The following HIBADH variants were observed in gnomAD, a reference collection of about 807,000 sequenced individuals.
HIBADH encodes the protein 3-hydroxyisobutyrate dehydrogenase, mitochondrial.
In HIBADH, 25 loss-of-function variants were observed where a neutral mutation model predicts 36.1. The observed-to-expected ratio is 0.69, with a 90% confidence interval of 0.50 to 0.97. The LOEUF (loss-of-function observed/expected upper bound fraction) is 0.97. Among genes scored for constraint, HIBADH ranks in the 50% least tolerant of loss-of-function variants. HIBADH has a pLI of 0.00. For synonymous variants in HIBADH, 160 were observed against 149.5 expected, an observed-to-expected ratio of 1.07 and a Z score of -0.51; for missense variants, 421 against 418.0, an observed-to-expected ratio of 1.01 and a Z score of -0.06.
Position 27,645,372 on chromosome 7 carries a change from T to G in HIBADH, c.252+4101A>C, listed in dbSNP as rs1050019060. Among the ~76,000 whole-genome samples the G allele has an allele frequency of 4.0e-3, 472 of 118,908 alleles. 74 individuals carry two copies. The highest frequency in any genetic ancestry group is 6.4e-3 in the Non-Finnish European group (370 of 58,186). The allele number at this position is 118,908 out of a possible 152,430, so 78.0% of individuals were successfully genotyped here. A position where few individuals can be genotyped will look rare whatever the true frequency, so the allele number is the denominator to read the frequency against. The stretch of plus-strand genomic sequence containing the variant: ...TGGGTGTGTCTCATGGTTTTGATTT[T>G]TTTTTTTTTTTTTTTTTTTTTTTGA... On this transcript the variant is annotated intron_variant, in intron 2 of 7. Transcript: ENST00000265395.
At chr7:27,631,446 C>T (rs191670341) in intron 3 of HIBADH, among the ~76,000 whole-genome samples, 4 of 152,306 alleles carry the variant, frequency 2.6e-5, no homozygotes, top group African/African-American at 9.6e-5. Context: ...CCTGAAATTA[C>T]ACCCTTTCTT....
chr7:27,626,133 C>T (rs1435541666), intron 4 of HIBADH, among the ~76,000 whole-genome samples: 5 of 110,238 alleles, frequency 4.5e-5, no homozygotes, highest in African/African-American at 1.7e-4. Context: ...AAAAGATGTA[C>T]AGTTTGACAG....
At chr7:27,548,393 G>A (rs1439491421) in intron 4 of HIBADH, among the ~76,000 whole-genome samples, 1 of 151,950 alleles carries the variant, frequency 6.6e-6, no homozygotes, top group Non-Finnish European at 1.5e-5. Flanking sequence ...ATGGTTGGGG[G>A]GAGGGAGAAG....
intron 4 of HIBADH, among the ~76,000 whole-genome samples, chr7:27,547,049 C>T (rs764106595): frequency 1.5e-4 from 23 of 152,162 alleles, no homozygotes; most frequent in Non-Finnish European, 3.4e-4. Context: ...CTTCCTAGCC[C>T]TCTCAGTATA....
At chr7:27,560,403 G>A (rs1784447739) in intron 4 of HIBADH, among the ~76,000 whole-genome samples, 1 of 152,192 alleles carries the variant, frequency 6.6e-6, no homozygotes, top group Non-Finnish European at 1.5e-5. Flanking sequence ...ACGGGTGTGA[G>A]CCACTGCACT....
At chr7:27,602,140 T>C (rs375805877) in intron 4 of HIBADH, among the ~76,000 whole-genome samples, 9 of 151,796 alleles carry the variant, frequency 5.9e-5, no homozygotes, top group Non-Finnish European at 7.4e-5. Flanking sequence ...TATTGTCCTA[T>C]TGTGCCTTCC....
At chr7:27,534,287 T>G (rs1181780707) in intron 6 of HIBADH, among the ~76,000 whole-genome samples, 1 of 151,814 alleles carries the variant, frequency 6.6e-6, no homozygotes, top group African/African-American at 2.4e-5. Context: ...ACGAAATAAA[T>G]TATGTCACTA....
rs569924053 is a variant in HIBADH at position 27,662,852 on chromosome 7, G to A, written c.-64C>T. ...CTCCCGGAGGGCCCACAGACTGCGAGCGTGTGCAGCGGGACTGGCTGGCTC... is the reference window on the plus strand; with the variant it reads ...CTCCCGGAGGGCCCACAGACTGCGAACGTGTGCAGCGGGACTGGCTGGCTC... On this transcript the variant is annotated 5_prime_UTR_variant, in exon 1 of 8. Coordinates refer to ENST00000265395, the MANE Select transcript of HIBADH (RefSeq NM_152740.4). 2.4e-6 allele frequency: 3 copies of A among 1,276,192 alleles called. No homozygotes were observed. Among genetic ancestry groups the A allele is most frequent in the East Asian group, 3.1e-5 (1 of 31,958 alleles). The allele number at this position is 1,276,192 out of a possible 1,614,324, so 79.1% of individuals were successfully genotyped here. A position where few individuals can be genotyped will look rare whatever the true frequency, so the allele number is the denominator to read the frequency against.
chr7:27,605,614 A>G (rs1327793882), intron 4 of HIBADH, among the ~76,000 whole-genome samples: 1 of 140,606 alleles, frequency 7.1e-6, no homozygotes, highest in Non-Finnish European at 1.6e-5. Flanking sequence ...AAAAAAAAAA[A>G]GCCAAATGTT....
chr7:27,648,229 C>G (rs1216559979), intron 2 of HIBADH, among the ~76,000 whole-genome samples: 1 of 152,196 alleles, frequency 6.6e-6, no homozygotes, highest in African/African-American at 2.4e-5. Context: ...ATCTCTCCAA[C>G]AAGGCTACTA....
intron 5 of HIBADH, among the ~76,000 whole-genome samples, chr7:27,539,341 A>G (rs1459417849): frequency 6.6e-6 from 1 of 152,196 alleles, no homozygotes; most frequent in East Asian, 1.9e-4. Context: ...AACTTGAAGT[A>G]ATAGAGCTTG....
chr7:27,604,089 C>T (rs1785178010), intron 4 of HIBADH, among the ~76,000 whole-genome samples: 1 of 152,126 alleles, frequency 6.6e-6, no homozygotes. Context: ...CACTCACTTA[C>T]ACCAATACTA....
rs199965096 is a variant in HIBADH at position 27,542,994 on chromosome 7, C to T, written c.591G>A (p.Val197=). 28 of 1,613,692 alleles carry T rather than the reference C, an allele frequency of 1.7e-5. No homozygotes were observed. Among genetic ancestry groups the T allele is most frequent in the Non-Finnish European group, 2.3e-5 (27 of 1,179,848 alleles). Residue 197 remains valine (V), a synonymous_variant, in exon 5 of 8, where the codon GTG becomes GTA. Coordinates refer to ENST00000265395, the MANE Select transcript of HIBADH (RefSeq NM_152740.4). ...GCCCAGTCCCAACAGCTCCACAGTA[C>T]ACCACGTTGGAGCCCATGCACCCCA... ...ELLGCMGSNV[V]YCGAVGTGQA...
chr7:27,625,815 T>C (rs1785630335), intron 4 of HIBADH, among the ~76,000 whole-genome samples: 1 of 151,974 alleles, frequency 6.6e-6, no homozygotes, highest in Admixed American at 6.6e-5. Flanking sequence ...AGATGTACAC[T>C]TTAAGGCCAG....
At chr7:27,548,836 C>A (rs1784274387) in intron 4 of HIBADH, among the ~76,000 whole-genome samples, 1 of 152,138 alleles carries the variant, frequency 6.6e-6, no homozygotes, top group African/African-American at 2.4e-5. Context: ...TCCTGATTCC[C>A]CCTTTCCTTT....
intron 1 of HIBADH, among the ~76,000 whole-genome samples, chr7:27,655,851 C>A (rs974883344): frequency 2.0e-5 from 3 of 151,974 alleles, no homozygotes; most frequent in African/African-American, 4.8e-5. Context: ...TAAGTTTTTT[C>A]TTTGATAAAA....
intron 4 of HIBADH, among the ~76,000 whole-genome samples, chr7:27,587,126 A>G (rs954080735): frequency 3.3e-5 from 5 of 152,186 alleles, no homozygotes; most frequent in African/African-American, 1.2e-4. Flanking sequence ...AACTGCTCCT[A>G]GAACCGATCT....
rs1422247631 is a variant in HIBADH at position 27,531,422 on chromosome 7, G to T, written c.696-74C>A. ...CGTGCGTGACTTATTTATGTATGGG[G>T]ATGCTCCATCTTCTCTCTCCATTTA... On this transcript the variant is annotated intron_variant, in intron 6 of 7. Transcript: ENST00000265395. The T allele has an allele frequency of 9.9e-6, 13 of 1,309,876 alleles. No individual in the cohort carries two copies. In the East Asian group the frequency reaches 2.9e-4, roughly 29 times the overall value. The allele number at this position is 1,309,876 out of a possible 1,614,324, so 81.1% of individuals were successfully genotyped here. A position where few individuals can be genotyped will look rare whatever the true frequency, so the allele number is the denominator to read the frequency against.
chr7:27,642,231 A>AC (rs5883099), intron 2 of HIBADH, among the ~76,000 whole-genome samples: 120,447 of 152,042 alleles, frequency 0.79, 48,083 homozygotes, highest in East Asian at 0.97. Flanking sequence ...GTCCTTCATG[A>AC]TTTCATTTTA....
Sources: allele counts gnomAD v4.1 joint callset (sites outside exome capture counted in the v4.1 genomes callset), GRCh38; gene constraint gnomAD v4.1.1; transcripts MANE v1.5; gene names NCBI Gene and HGNC (gene_info 2026-07-23, HGNC 2026-07-21).